HOOK3: variants seen among roughly 807,000 people sequenced by gnomAD.
HOOK3 encodes hook microtubule tethering protein 3.
Under a neutral mutation model 116.3 loss-of-function variants are expected in HOOK3, and 24 were observed. The observed-to-expected ratio is 0.21, with a 90% CI of 0.15 to 0.29. The LOEUF (loss-of-function observed/expected upper bound fraction) is 0.29. Ranked by LOEUF, HOOK3 falls within the 10% of genes least tolerant of loss-of-function variation. The pLI, the probability that HOOK3 is intolerant of heterozygous loss-of-function variation, is 1.00. For synonymous variants in HOOK3, 275 were observed against 283.0 expected (o/e 0.97, Z 0.28); for missense variants, 632 against 830.2 (o/e 0.76, Z 2.93).
chr8:42,989,923 CT>C (rs1188126533), intron 15 of HOOK3, among the ~76,000 whole-genome samples: 3 of 152,164 alleles, frequency 2.0e-5, no homozygotes, highest in Admixed American at 2.0e-4. Context: ...GGATTTCATT[CT>C]TTTTTATGGC....
chr8:42,997,636 A>G lies in HOOK3; in HGVS notation c.1619A>G (p.Asp540Gly). The change falls in exon 16 of 22, where the codon GAT becomes GGT. Residue 540 changes from aspartate (D) to glycine (G), a missense_variant and splice_region_variant. Transcript: ENST00000307602. Reference protein sequence around the residue: ...SLQDQGSKAEDSVLLKKKLEE... With the variant: ...SLQDQGSKAEGSVLLKKKLEE... The stretch of plus-strand genomic sequence containing the variant: ...CAGGATCAAGGCTCAAAAGCAGAAG[A>G]TGTAAGTTTTAATATGTACCAACGA... 1 of 1,563,934 alleles carries G rather than the reference A, an allele frequency of 6.4e-7. No homozygotes were observed. Among genetic ancestry groups the G allele is most frequent in the South Asian group, 1.1e-5 (1 of 89,896 alleles).
chr8:42,991,467 A>G (rs1001026761), intron 15 of HOOK3, among the ~76,000 whole-genome samples: 1 of 143,918 alleles, frequency 6.9e-6, no homozygotes, highest in African/African-American at 2.6e-5. Context: ...CACTGGCACT[A>G]TCTCAGCTCA....
chr8:42,938,217 CTT>C (rs145868661), intron 4 of HOOK3, among the ~76,000 whole-genome samples: 3,413 of 132,160 alleles, frequency 0.026, 131 homozygotes, highest in African/African-American at 0.09. Flanking sequence ...GCAACCCCTG[CTT>C]TTTTTTTTTT....
intron 1 of HOOK3, among the ~76,000 whole-genome samples, chr8:42,900,941 G>A (rs1807174223): frequency 6.6e-6 from 1 of 152,224 alleles, no homozygotes. Flanking sequence ...GTTCCCAGGT[G>A]ATGCCATTGT....
intron 10 of HOOK3, among the ~76,000 whole-genome samples, chr8:42,967,664 T>C (rs1246564195): frequency 6.6e-6 from 1 of 152,056 alleles, no homozygotes; most frequent in Non-Finnish European, 1.5e-5. Flanking sequence ...AAAATTGACA[T>C]TCTCTCCTCA....
intron 2 of HOOK3, among the ~76,000 whole-genome samples, chr8:42,922,942 C>T (rs947966723): frequency 1.3e-5 from 2 of 151,218 alleles, no homozygotes; most frequent in Non-Finnish European, 2.9e-5. Context: ...AGAAAATATT[C>T]ACACATCATA....
intron 17 of HOOK3, among the ~76,000 whole-genome samples, chr8:43,005,199 C>CTATATATA (rs59181434): frequency 4.2e-4 from 40 of 95,278 alleles, no homozygotes; most frequent in African/African-American, 1.2e-3. Flanking sequence ...CTCTCTCTCT[C>CTATATATA]TATATATATA....
At chr8:42,974,454 G>T (rs1300947334) in intron 13 of HOOK3, among the ~76,000 whole-genome samples, 1 of 152,120 alleles carries the variant, frequency 6.6e-6, no homozygotes, top group Non-Finnish European at 1.5e-5. Flanking sequence ...GGCCAGGCTG[G>T]TCTGGAACTC....
chr8:42,937,937 A>C (rs1366029774), intron 4 of HOOK3, among the ~76,000 whole-genome samples: 3 of 152,228 alleles, frequency 2.0e-5, no homozygotes, highest in Non-Finnish European at 4.4e-5. Flanking sequence ...CAAGTCCTGA[A>C]TATCCTTGTT....
chr8:43,021,738 G>T lies in HOOK3; in HGVS notation c.*3240G>T. The T allele has an allele frequency of 6.4e-6, 1 of 157,068 alleles. No individual in the cohort carries two copies. Among genetic ancestry groups the T allele is most frequent in the Non-Finnish European group, 1.4e-5 (1 of 71,906 alleles). 9.7% of individuals were successfully genotyped at this position (157,068 alleles called of 1,614,324 possible). A position where few individuals can be genotyped will look rare whatever the true frequency, so the allele number is the denominator to read the frequency against. On this transcript the variant is annotated 3_prime_UTR_variant, in exon 22 of 22. Coordinates refer to ENST00000307602, the MANE Select transcript of HOOK3 (RefSeq NM_032410.4). ...GGCTGGAGTGCAGTGGCGCGATCTC[G>T]GCTCACTGCAAGCTCCGCCTCCCGG...
At chr8:42,901,968 A>G (rs761109637) in intron 1 of HOOK3, among the ~76,000 whole-genome samples, 6 of 152,118 alleles carry the variant, frequency 3.9e-5, no homozygotes, top group Non-Finnish European at 5.9e-5. Flanking sequence ...TCGGCTTCCA[A>G]ATGTTCTGGG....
At chr8:42,920,389 C>T (rs576499351) in intron 2 of HOOK3, among the ~76,000 whole-genome samples, 3 of 152,286 alleles carry the variant, frequency 2.0e-5, no homozygotes, top group African/African-American at 7.2e-5. Context: ...TCAAAGTTTA[C>T]CAGGGAAAGT....
intron 4 of HOOK3, among the ~76,000 whole-genome samples, chr8:42,937,677 A>G (rs1807999684): frequency 6.6e-6 from 1 of 152,206 alleles, no homozygotes; most frequent in Non-Finnish European, 1.5e-5. Context: ...CAGGTTGTTC[A>G]GTTTCCATGT....
chr8:42,959,863 T>C (rs963934414), intron 8 of HOOK3, among the ~76,000 whole-genome samples: 3 of 152,116 alleles, frequency 2.0e-5, no homozygotes, highest in Non-Finnish European at 4.4e-5. Flanking sequence ...GGAGACATAG[T>C]TGGCCATGTT....
At chr8:42,971,927 C>T (rs1024077569) in intron 11 of HOOK3, among the ~76,000 whole-genome samples, 2 of 152,166 alleles carry the variant, frequency 1.3e-5, no homozygotes, top group Admixed American at 1.3e-4. Context: ...AGGCAATCTG[C>T]CCACCTCAGT....
intron 21 of HOOK3, among the ~76,000 whole-genome samples, chr8:43,016,363 A>C (rs1439208468): frequency 2.0e-5 from 3 of 151,052 alleles, no homozygotes; most frequent in Non-Finnish European, 4.4e-5. Flanking sequence ...TTCATGATCC[A>C]CCCTCCTCGG....
At chr8:42,924,801 C>T (rs1807730605) in intron 2 of HOOK3, among the ~76,000 whole-genome samples, 2 of 151,894 alleles carry the variant, frequency 1.3e-5, no homozygotes, top group African/African-American at 4.8e-5. Context: ...GGTGAAACCA[C>T]GTCTCTACTA....
At chr8:42,933,161 T>C (rs1324087272) in intron 4 of HOOK3, among the ~76,000 whole-genome samples, 1 of 152,212 alleles carries the variant, frequency 6.6e-6, no homozygotes, top group Admixed American at 6.5e-5. Flanking sequence ...TAGAAAATTA[T>C]GAAACATGTT....
In HOOK3 at chr8:42,975,702, C is replaced by A. The variant is rs548680489; in HGVS notation, c.1321+1508C>A. On this transcript the variant is annotated intron_variant, in intron 13 of 21. Transcript: ENST00000307602. The stretch of plus-strand genomic sequence containing the variant: ...TGTAATAGAGGTATTCTAATACTTA[C>A]CTTAAGATAGATACATATGTTGAGA... Among the ~76,000 whole-genome samples, 5 of 152,248 alleles carry A rather than the reference C, an allele frequency of 3.3e-5. No homozygotes were observed. In the South Asian group the frequency reaches 1.0e-3, roughly 32 times the overall value.
Sources: allele counts gnomAD v4.1 joint callset (sites outside exome capture counted in the v4.1 genomes callset), GRCh38; gene constraint gnomAD v4.1.1; transcripts MANE v1.5; gene names NCBI Gene and HGNC (gene_info 2026-07-23, HGNC 2026-07-21).